CPEB1: variants seen among roughly 807,000 people sequenced by gnomAD.
CPEB1 encodes cytoplasmic polyadenylation element-binding protein 1.
CPEB1 carries 7 observed loss-of-function variants against 65.8 expected under a neutral mutation model. The observed-to-expected ratio is 0.11, with a 90% confidence interval of 0.06 to 0.20. The LOEUF (loss-of-function observed/expected upper bound fraction) is 0.20, where lower values mean the gene tolerates loss of function less well. Among genes scored for constraint, CPEB1 ranks in the 10% least tolerant of loss-of-function variants. The pLI is 1.00. For missense variants in CPEB1, 551 were observed against 712.2 expected (o/e 0.77, Z 2.58); for synonymous variants, 262 against 260.0 (o/e 1.01, Z -0.08).
chr15:82,564,801 A>T (rs1030748291), intron 4 of CPEB1, among the ~76,000 whole-genome samples: 3 of 152,128 alleles, frequency 2.0e-5, no homozygotes, highest in African/African-American at 7.2e-5. Flanking sequence ...GCAGGGTGGA[A>T]ATCACTCTGT....
intron 1 of CPEB1, among the ~76,000 whole-genome samples, chr15:82,635,761 G>C (rs1006898077): frequency 6.6e-6 from 1 of 152,122 alleles, no homozygotes; most frequent in Admixed American, 6.5e-5. Flanking sequence ...ATAGAAGAGA[G>C]GAATAAAGTA....
At chr15:82,549,802 G>T in intron 9 of CPEB1, 144 bp from the exon 10 acceptor site, 1 of 732,926 alleles carries the variant, frequency 1.4e-6, no homozygotes, top group Non-Finnish European at 2.3e-6. Flanking sequence ...CCAATCTCAG[G>T]CACACAGGCG....
chr15:82,584,911 T>TTTTTTTTTTC (rs1272255454), intron 3 of CPEB1, among the ~76,000 whole-genome samples: 1 of 143,328 alleles, frequency 7.0e-6, no homozygotes, highest in African/African-American at 2.6e-5. Flanking sequence ...TGCTTTTTTT[T>TTTTTTTTTTC]TTTTTTTTTT....
At chr15:82,563,673 C>A (rs1362324904) in intron 4 of CPEB1, among the ~76,000 whole-genome samples, 1 of 151,850 alleles carries the variant, frequency 6.6e-6, no homozygotes, top group Non-Finnish European at 1.5e-5. Context: ...ATTCAGAAAA[C>A]AATTATGTAT....
At chr15:82,548,186 T>C (rs2035607919) in intron 10 of CPEB1, among the ~76,000 whole-genome samples, 1 of 151,910 alleles carries the variant, frequency 6.6e-6, no homozygotes, top group African/African-American at 2.4e-5. Flanking sequence ...AATACAAAAA[T>C]TAGCTGAGCG....
chr15:82,558,294 T>C (rs1170628379), intron 4 of CPEB1, among the ~76,000 whole-genome samples: 1 of 151,932 alleles, frequency 6.6e-6, no homozygotes, highest in Non-Finnish European at 1.5e-5. Flanking sequence ...GTCACTGGGG[T>C]CCCTGGTCAC....
intron 1 of CPEB1, among the ~76,000 whole-genome samples, chr15:82,635,799 G>C (rs2046611928): frequency 6.6e-6 from 1 of 152,164 alleles, no homozygotes; most frequent in Non-Finnish European, 1.5e-5. Flanking sequence ...TCACAACTCA[G>C]ATGTTTTGGC....
chr15:82,557,486 A>C, intron 5 of CPEB1: 1 of 398,244 alleles, frequency 2.5e-6, no homozygotes, highest in Non-Finnish European at 4.4e-6. Context: ...TTTTGAAATT[A>C]AGTGTTTTCC....
intron 4 of CPEB1, chr15:82,562,110 C>G: frequency 2.3e-6 from 1 of 430,198 alleles, no homozygotes. Flanking sequence ...TAATGAGTGA[C>G]AGAGACTGGA....
chr15:82,646,956 G>A (rs587679215), intron 1 of CPEB1, 181 bp downstream of exon 1: 218 of 152,656 alleles, frequency 1.4e-3, no homozygotes, highest in Non-Finnish European at 2.4e-3. Flanking sequence ...CCGCCCCTGA[G>A]TCTGGGCACC....
intron 3 of CPEB1, among the ~76,000 whole-genome samples, chr15:82,622,924 C>T (rs1186968769): frequency 2.0e-5 from 3 of 152,178 alleles, no homozygotes; most frequent in African/African-American, 7.2e-5. Flanking sequence ...TTATGTGATC[C>T]TCTTTATAAG....
At chr15:82,640,174 G>C (rs2046993241) in intron 1 of CPEB1, among the ~76,000 whole-genome samples, 1 of 152,086 alleles carries the variant, frequency 6.6e-6, no homozygotes, top group Non-Finnish European at 1.5e-5. Context: ...CCTATTTTTA[G>C]GGACAGGGTC....
chr15:82,584,903 C>CTTT lies in CPEB1; in HGVS notation c.272-13374_272-13372dup, dbSNP rs3080692. Among the ~76,000 whole-genome samples, 530 of 81,726 alleles carry CTTT rather than the reference C, an allele frequency of 6.5e-3. 36 individuals are homozygous for CTTT. The highest frequency in any genetic ancestry group is 8.0e-3 in the Non-Finnish European group (390 of 48,776). The allele number at this position is 81,726 out of a possible 152,430, so 53.6% of individuals were successfully genotyped here. A position where few individuals can be genotyped will look rare whatever the true frequency, so the allele number is the denominator to read the frequency against. ...GACATAATTTTTTTTTCCTAATTTGCTTTTTTTTTTTTTTTTTTTACAGTG... is the reference window on the plus strand; with the variant it reads ...GACATAATTTTTTTTTCCTAATTTGCTTTTTTTTTTTTTTTTTTTTTTACAGTG... On this transcript the variant is annotated intron_variant, in intron 3 of 12. Coordinates refer to ENST00000684509, the MANE Select transcript of CPEB1 (RefSeq NM_001365242.1).
intron 1 of CPEB1, chr15:82,630,027 A>T: frequency 1.0e-6 from 1 of 985,406 alleles, no homozygotes; most frequent in Non-Finnish European, 1.2e-6. Flanking sequence ...GTGACACACA[A>T]GGCCCTTTTC....
chr15:82,552,722 T>A, intron 8 of CPEB1, 106 bp from the exon 9 acceptor site: 1 of 1,259,062 alleles, frequency 7.9e-7, no homozygotes, highest in Non-Finnish European at 1.1e-6. Flanking sequence ...GTCTTGTGTA[T>A]AAGATACATT....
intron 3 of CPEB1, among the ~76,000 whole-genome samples, chr15:82,622,443 C>CGG (rs1449207229): frequency 6.2e-4 from 94 of 152,336 alleles, no homozygotes; most frequent in African/African-American, 2.2e-3. Flanking sequence ...ACTCTATCAC[C>CGG]CAGGCTGGAA....
intron 3 of CPEB1, among the ~76,000 whole-genome samples, chr15:82,582,734 GTTCT>G (rs1438336271): frequency 2.2e-5 from 3 of 133,496 alleles, no homozygotes; most frequent in African/African-American, 8.6e-5. Flanking sequence ...CATACTAGGA[GTTCT>G]TTTTTTTTTT....
chr15:82,620,642 TAAAA>T (rs892195919), intron 3 of CPEB1, among the ~76,000 whole-genome samples: 1 of 147,380 alleles, frequency 6.8e-6, no homozygotes, highest in African/African-American at 2.5e-5. Flanking sequence ...TACAAAAACT[TAAAA>T]AAAAAAATTA....
At chr15:82,578,032 C>T (rs991753901) in intron 3 of CPEB1, among the ~76,000 whole-genome samples, 1 of 152,018 alleles carries the variant, frequency 6.6e-6, no homozygotes, top group South Asian at 2.1e-4. Flanking sequence ...CCCAGCTAAT[C>T]GGGAGGCTGA....
Sources: allele counts gnomAD v4.1 joint callset (sites outside exome capture counted in the v4.1 genomes callset), GRCh38; gene constraint gnomAD v4.1.1; transcripts MANE v1.5; gene names NCBI Gene and HGNC (gene_info 2026-07-23, HGNC 2026-07-21).